Variants in NDST4 observed in about 807,000 individuals in gnomAD.
NDST4 encodes the protein N-deacetylase and N-sulfotransferase 4.
NDST4 carries 63 observed loss-of-function variants against 100.8 expected under a neutral mutation model. The observed-to-expected ratio is 0.62, with a 90% confidence interval of 0.51 to 0.77. The LOEUF (loss-of-function observed/expected upper bound fraction) is 0.77. NDST4 is among the 30% of genes least tolerant of loss of function. The probability of loss-of-function intolerance (pLI) is 0.00; values close to 1 mark genes in which losing one functional copy is unlikely to be tolerated. For missense variants in NDST4, 943 were observed against 1,018.4 expected, an observed-to-expected ratio of 0.93 and a Z score of 1.01; for synonymous variants, 377 against 361.8, an observed-to-expected ratio of 1.04 and a Z score of -0.48.
At chr4:114,932,040 G>T (rs1272332447) in intron 6 of NDST4, among the ~76,000 whole-genome samples, 1 of 151,712 alleles carries the variant, frequency 6.6e-6, no homozygotes, top group Non-Finnish European at 1.5e-5. Flanking sequence ...GGGCCCTATA[G>T]GAAAAGAAAA....
intron 2 of NDST4, among the ~76,000 whole-genome samples, chr4:115,028,440 G>A (rs917796768): frequency 6.6e-6 from 1 of 152,016 alleles, no homozygotes; most frequent in African/African-American, 2.4e-5. Flanking sequence ...TGTGATTGCT[G>A]AAACTCTGTC....
In NDST4 at chr4:115,076,724, G is replaced by T. The variant is rs761791754; in HGVS notation, c.313C>A (p.Gln105Lys). 2 of 1,613,918 alleles carry T rather than the reference G, an allele frequency of 1.2e-6. No homozygotes were observed. Among genetic ancestry groups the T allele is most frequent in the East Asian group, 2.2e-5 (1 of 44,796 alleles). Residue 105 changes from glutamine to lysine, a missense_variant, in exon 2 of 14, where the codon CAG (glutamine) becomes AAG (lysine). This residue lies in a region of NDST4 where 417 missense variants were observed against 384.2 expected (regional missense o/e 1.09). Transcript: ENST00000264363. Reference protein sequence around the residue: ...IIAILESSRFQYHMVIAPGKG... With the variant: ...IIAILESSRFKYHMVIAPGKG... ...CCAGGGGCAATAACCATGTGGTACT[G>T]AAATCGGCTGGACTCCAAAATAGCT...
intron 2 of NDST4, among the ~76,000 whole-genome samples, chr4:115,038,485 G>A (rs1246805556): frequency 6.6e-6 from 1 of 152,088 alleles, no homozygotes; most frequent in Non-Finnish European, 1.5e-5. Flanking sequence ...CTAAGTCTGA[G>A]AAAACATCCA....
chr4:115,083,945 C>G (rs1729358035), intron 1 of NDST4, among the ~76,000 whole-genome samples: 2 of 152,092 alleles, frequency 1.3e-5, no homozygotes, highest in South Asian at 4.2e-4. Flanking sequence ...AAGCAAGTAC[C>G]TCAGAGAGTG....
intron 2 of NDST4, among the ~76,000 whole-genome samples, chr4:115,064,803 T>C (rs113246933): frequency 5.5e-4 from 83 of 152,254 alleles, no homozygotes; most frequent in African/African-American, 1.9e-3. Flanking sequence ...TCTTCTTTGA[T>C]ATATTTCTAT....
At chr4:115,027,688 G>A (rs1728017288) in intron 2 of NDST4, among the ~76,000 whole-genome samples, 1 of 152,040 alleles carries the variant, frequency 6.6e-6, no homozygotes. Flanking sequence ...TTGGTATCCT[G>A]TTGGAAACTT....
At chr4:115,080,705 T>G (rs1392017309) in intron 1 of NDST4, among the ~76,000 whole-genome samples, 1 of 54,574 alleles carries the variant, frequency 1.8e-5, no homozygotes, top group Non-Finnish European at 3.1e-5. Context: ...TGTGTGTGTG[T>G]GTGTAATAAT....
At chr4:115,112,473 A>G (rs1172829105) in intron 1 of NDST4, among the ~76,000 whole-genome samples, 1 of 151,910 alleles carries the variant, frequency 6.6e-6, no homozygotes, top group Admixed American at 6.6e-5. Context: ...GCACCACGAA[A>G]ACAAGCAAAG....
chr4:114,879,259 T>A (rs952411602), intron 6 of NDST4, among the ~76,000 whole-genome samples: 2 of 152,178 alleles, frequency 1.3e-5, no homozygotes, highest in Admixed American at 6.6e-5. Flanking sequence ...AATAGGAAAC[T>A]AAAACTTAAT....
intron 2 of NDST4, among the ~76,000 whole-genome samples, chr4:115,026,909 C>T (rs939630180): frequency 3.3e-5 from 5 of 152,080 alleles, no homozygotes; most frequent in East Asian, 1.9e-4. Context: ...AGTAGAATCA[C>T]GTAAAAGGCT....
chr4:114,904,144 T>A lies in NDST4; in HGVS notation c.1536+31062A>T, dbSNP rs541859146. Among the ~76,000 whole-genome samples, 11 of 152,140 alleles carry A rather than the reference T, an allele frequency of 7.2e-5. No individual in the cohort carries two copies. In the South Asian group the frequency reaches 1.9e-3, roughly 26 times the overall value. On this transcript the variant is annotated intron_variant, in intron 6 of 13. Coordinates refer to ENST00000264363, the MANE Select transcript of NDST4 (RefSeq NM_022569.3). ...GAAAGTGATCTCTCAATTCATAAAG[T>A]GCTATCCTTTTCCATATTAATTATC...
chr4:114,916,552 G>GTA (rs1315057872), intron 6 of NDST4, among the ~76,000 whole-genome samples: 1 of 144,372 alleles, frequency 6.9e-6, no homozygotes, highest in East Asian at 2.0e-4. Context: ...GTGTGTGTGT[G>GTA]TGTGTGTGTG....
At chr4:115,027,172 G>A (rs1044257950) in intron 2 of NDST4, among the ~76,000 whole-genome samples, 2 of 152,070 alleles carry the variant, frequency 1.3e-5, no homozygotes, top group South Asian at 4.1e-4. Flanking sequence ...ATTGTGTGTC[G>A]CTGCTTGACC....
At chr4:114,847,653 G>A (rs1723583902) in intron 9 of NDST4, among the ~76,000 whole-genome samples, 1 of 151,748 alleles carries the variant, frequency 6.6e-6, no homozygotes, top group South Asian at 2.1e-4. Flanking sequence ...GGGAAATACT[G>A]TGATTTTATT....
chr4:115,093,220 A>C (rs1447699623), intron 1 of NDST4, among the ~76,000 whole-genome samples: 1 of 152,184 alleles, frequency 6.6e-6, no homozygotes, highest in Non-Finnish European at 1.5e-5. Flanking sequence ...TCATGCCTGT[A>C]ATCTCAGCAT....
intron 2 of NDST4, among the ~76,000 whole-genome samples, chr4:115,064,440 C>G (rs911024686): frequency 6.6e-6 from 1 of 151,996 alleles, no homozygotes; most frequent in African/African-American, 2.4e-5. Context: ...GACACAGTAT[C>G]AGTTGGTACA....
intron 6 of NDST4, among the ~76,000 whole-genome samples, chr4:114,934,412 G>C (rs11940539): frequency 6.6e-6 from 1 of 151,852 alleles, no homozygotes; most frequent in South Asian, 2.1e-4. Flanking sequence ...TTAGCCGGGC[G>C]TGGTGGTGGC....
intron 7 of NDST4, among the ~76,000 whole-genome samples, chr4:114,860,362 A>C (rs1578348857): frequency 1.3e-5 from 2 of 152,198 alleles, no homozygotes; most frequent in South Asian, 4.1e-4. Context: ...TCAGTCGATA[A>C]TGGAGCATCC....
At chr4:115,096,877 T>C (rs2126296726) in intron 1 of NDST4, among the ~76,000 whole-genome samples, 1 of 152,240 alleles carries the variant, frequency 6.6e-6, no homozygotes, top group Admixed American at 6.5e-5. Flanking sequence ...CATTGAAATT[T>C]ATTTTATAAA....
Sources: gnomAD v4.1 joint callset for allele counts (sites outside exome capture counted in the v4.1 genomes callset) on GRCh38, gnomAD v4.1.1 for gene constraint, gnomAD v4.1.1 regional missense constraint, MANE v1.5 for transcripts, NCBI Gene and HGNC (gene_info 2026-07-23, HGNC 2026-07-21) for gene names.